The following LIPA variants were observed in gnomAD, a reference collection of about 807,000 sequenced individuals.
LIPA encodes lipase A, lysosomal acid type, also known as lysosomal acid lipase/cholesteryl ester hydrolase.
LIPA carries 26 observed loss-of-function variants against 40.6 expected under a neutral mutation model. The observed-to-expected ratio is 0.64, with a 90% CI of 0.47 to 0.89. LIPA has a LOEUF of 0.89. LIPA is among the 40% of genes least tolerant of loss of function. LIPA has a pLI of 0.00. For synonymous variants in LIPA, 188 were observed against 168.4 expected, an observed-to-expected ratio of 1.12 and a Z score of -0.90; for missense variants, 455 against 479.6, an observed-to-expected ratio of 0.95 and a Z score of 0.48.
chr10:89,216,927 G>A (rs952371915), intron 8 of LIPA, among the ~76,000 whole-genome samples: 1 of 152,124 alleles, frequency 6.6e-6, no homozygotes, highest in Non-Finnish European at 1.5e-5. Flanking sequence ...CTGCATGCCA[G>A]CACAATTCTA....
chr10:89,338,444 G>A (rs532279869), intron 1 of LIPA, among the ~76,000 whole-genome samples: 6 of 152,230 alleles, frequency 3.9e-5, no homozygotes, highest in South Asian at 2.1e-4. Flanking sequence ...AATGGATAAT[G>A]CCCACCCATA....
chr10:89,358,047 G>A (rs1843997408), intron 2 of LIPA, among the ~76,000 whole-genome samples: 1 of 152,170 alleles, frequency 6.6e-6, no homozygotes, highest in South Asian at 2.1e-4. Context: ...GAAAAAAAAA[G>A]AGGACCCTAT....
chr10:89,250,903 T>C (rs1380258849), intron 1 of LIPA, among the ~76,000 whole-genome samples: 5 of 152,222 alleles, frequency 3.3e-5, no homozygotes, highest in African/African-American at 7.2e-5. Context: ...CTGGGCTGTA[T>C]TAACACCTTT....
At chr10:89,304,873 C>A (rs1843468559) in intron 1 of LIPA, among the ~76,000 whole-genome samples, 2 of 150,624 alleles carry the variant, frequency 1.3e-5, no homozygotes. Flanking sequence ...ATAAGGGTAC[C>A]CTAAAGAAAA....
chr10:89,306,640 G>C (rs746375885), intron 1 of LIPA: 7 of 1,614,128 alleles, frequency 4.3e-6, no homozygotes, highest in Admixed American at 3.3e-5. Flanking sequence ...AAGGTGAAGA[G>C]GAAGGTGAAG....
intron 1 of LIPA, among the ~76,000 whole-genome samples, chr10:89,319,301 T>G (rs1452795418): frequency 6.6e-6 from 1 of 152,016 alleles, no homozygotes; most frequent in African/African-American, 2.4e-5. Context: ...TCAACATTAT[T>G]GATAGACCAC....
intron 1 of LIPA, among the ~76,000 whole-genome samples, chr10:89,267,538 A>T (rs111934321): frequency 0.05 from 6,270 of 125,586 alleles, 395 homozygotes; most frequent in African/African-American, 0.18. Context: ...ATGAGATCAC[A>T]TGGTCACAGG....
chr10:89,297,854 C>T (rs1398023471), intron 1 of LIPA, among the ~76,000 whole-genome samples: 1 of 152,186 alleles, frequency 6.6e-6, no homozygotes, highest in Non-Finnish European at 1.5e-5. Flanking sequence ...GCAGGGAAGC[C>T]AGATGGCCGC....
At chr10:89,400,699 A>G (rs1275309304) in intron 2 of LIPA, among the ~76,000 whole-genome samples, 1 of 152,222 alleles carries the variant, frequency 6.6e-6, no homozygotes, top group African/African-American at 2.4e-5. Context: ...AAATTATGCC[A>G]TTTGTGAACA....
Position 89,377,761 on chromosome 10 carries a change from A to G in LIPA, c.61+35030T>C, listed in dbSNP as rs78345208. Among the ~76,000 whole-genome samples the G allele has an allele frequency of 4.9e-4, 74 of 152,326 alleles. No individual in the cohort carries two copies. The East Asian group carries it at 0.014, about 28-fold the overall frequency. On this transcript the variant is annotated intron_variant, in intron 2 of 8. Transcript: ENST00000371837. ...AGAGTCTGACATGATTCACAAAAAT[A>G]TACGTTCCTGTCTGCCACTGGTTTT...
chr10:89,341,535 T>A (rs543927371), intron 1 of LIPA, among the ~76,000 whole-genome samples: 1 of 152,246 alleles, frequency 6.6e-6, no homozygotes, highest in East Asian at 1.9e-4. Flanking sequence ...GGTAAAAGTA[T>A]ATAAATGTAT....
At chr10:89,381,638 C>T (rs897882010) in intron 2 of LIPA, among the ~76,000 whole-genome samples, 1 of 152,144 alleles carries the variant, frequency 6.6e-6, no homozygotes, top group Non-Finnish European at 1.5e-5. Flanking sequence ...GATGGAGACT[C>T]TGAGGGAAAA....
intron 1 of LIPA, chr10:89,332,369 C>T: frequency 1.3e-6 from 1 of 790,354 alleles, no homozygotes; most frequent in Non-Finnish European, 1.8e-6. Flanking sequence ...ACTTTCAAAC[C>T]ACAGTTTTCC....
In LIPA at chr10:89,302,180, T is replaced by A. The variant is rs771920017; in HGVS notation, c.-2+40431A>T. 15 of 1,600,602 alleles carry A rather than the reference T, an allele frequency of 9.4e-6. No individual in the cohort carries two copies. The Admixed American group carries it at 2.2e-4, about 23-fold the overall frequency. On this transcript the variant is annotated intron_variant, in intron 1 of 5. Coordinates refer to the LIPA transcript ENST00000282673. ...AGTGCTGTTGAGTCATCTTGTCCAATGCAAATCCTGAGAAGCTATGTTCCC... is the reference window on the plus strand; with the variant it reads ...AGTGCTGTTGAGTCATCTTGTCCAAAGCAAATCCTGAGAAGCTATGTTCCC...
chr10:89,322,222 A>T (rs965069878), intron 1 of LIPA, among the ~76,000 whole-genome samples: 1 of 152,202 alleles, frequency 6.6e-6, no homozygotes, highest in Non-Finnish European at 1.5e-5. Flanking sequence ...GTAAAATTTT[A>T]AAAAATGCAG....
chr10:89,361,000 G>A (rs1844018748), intron 2 of LIPA, among the ~76,000 whole-genome samples: 1 of 152,104 alleles, frequency 6.6e-6, no homozygotes, highest in African/African-American at 2.4e-5. Context: ...CCCTCCGTGT[G>A]TGCCTGACTC....
chr10:89,225,304 T>TCGCGACGCC, intron 5 of LIPA, 76 bp from the exon 6 acceptor site: 1 of 1,571,518 alleles, frequency 6.4e-7, no homozygotes, highest in Non-Finnish European at 8.7e-7. Flanking sequence ...AGGCCGTCAC[T>TCGCGACGCC]CGCGACGCCC....
At chr10:89,377,700 T>C (rs552280582) in intron 2 of LIPA, among the ~76,000 whole-genome samples, 16 of 152,358 alleles carry the variant, frequency 1.1e-4, no homozygotes, top group Admixed American at 7.2e-4. Flanking sequence ...TGGAACCACC[T>C]GGCGGGATAC....
chr10:89,255,409 GC>G (rs923074233), upstream of LIPA, among the ~76,000 whole-genome samples: 11 of 152,064 alleles, frequency 7.2e-5, no homozygotes, highest in Admixed American at 2.6e-4. Context: ...GGGGAAAACT[GC>G]CCCCCATGAT....
Sources: allele counts gnomAD v4.1 joint callset (sites outside exome capture counted in the v4.1 genomes callset), GRCh38; gene constraint gnomAD v4.1.1; transcripts MANE v1.5; gene names NCBI Gene and HGNC (gene_info 2026-07-23, HGNC 2026-07-21).